The following KIF2C variants were observed in gnomAD, a reference collection of about 807,000 sequenced individuals.
KIF2C encodes the protein kinesin-like protein KIF2C.
KIF2C carries 34 observed loss-of-function variants against 97.4 expected under a neutral mutation model. The observed-to-expected ratio is 0.35, with a 90% CI of 0.27 to 0.46. The LOEUF is 0.46. KIF2C is among the 20% of genes least tolerant of loss of function. The probability of loss-of-function intolerance (pLI) is 1.00; values close to 1 mark genes in which losing one functional copy is unlikely to be tolerated. For missense variants in KIF2C, 750 were observed against 907.6 expected (o/e 0.83, Z 2.23); for synonymous variants, 313 against 318.2 (o/e 0.98, Z 0.17).
In KIF2C at chr1:44,756,364, T is replaced by C. The variant is rs1573567148; in HGVS notation, c.977+127T>C. ...CTCTTCCTCGCTTCTTGTGTTTTCT[T>C]TGGGTCACACCCTTTGGCAGCTTAG... On this transcript the variant is annotated intron_variant, in intron 10 of 20. Transcript: ENST00000372224. 14 of 1,012,112 alleles carry C rather than the reference T, an allele frequency of 1.4e-5. No homozygotes were observed. The East Asian group carries it at 3.3e-4, about 24-fold the overall frequency. The allele number at this position is 1,012,112 out of a possible 1,614,324, so 62.7% of individuals were successfully genotyped here. A position where few individuals can be genotyped will look rare whatever the true frequency, so the allele number is the denominator to read the frequency against.
chr1:44,744,029 A>G (rs1649056997), intron 2 of KIF2C, among the ~76,000 whole-genome samples: 1 of 151,202 alleles, frequency 6.6e-6, no homozygotes. Context: ...TGCTTTTGGA[A>G]TAAGATCCGA....
intron 7 of KIF2C, 73 bp from the exon 8 acceptor site, chr1:44,754,677 C>G: frequency 1.1e-6 from 1 of 882,496 alleles, no homozygotes; most frequent in Non-Finnish European, 1.9e-6. Context: ...AGAGCTGTTG[C>G]TGCTGCCGCA....
Position 44,753,258 on chromosome 1 carries a change from G to A in KIF2C, c.562+4G>A. On this transcript the variant is annotated splice_donor_region_variant and intron_variant, in intron 6 of 20. Transcript: ENST00000372224. ...TCTGCAAACCCTGTGAACTCAGGTAGACACACTGAGCTGTCTGCTGTTCTG... is the reference window on the plus strand; with the variant it reads ...TCTGCAAACCCTGTGAACTCAGGTAAACACACTGAGCTGTCTGCTGTTCTG... The A allele has an allele frequency of 6.2e-7, 1 of 1,611,394 alleles. No homozygotes were observed. The highest frequency in any genetic ancestry group is 1.1e-5 in the South Asian group (1 of 90,892).
At chr1:44,767,057 C>T (rs1650506424) in intron 20 of KIF2C, 40 bp from the exon 21 acceptor site, 2 of 1,608,646 alleles carry the variant, frequency 1.2e-6, no homozygotes, top group South Asian at 1.1e-5. Context: ...GCTCCTCAGA[C>T]TCTCACTAAC....
At chr1:44,766,081 C>T (rs1277988874) in intron 19 of KIF2C, among the ~76,000 whole-genome samples, 3 of 151,658 alleles carry the variant, frequency 2.0e-5, no homozygotes, top group African/African-American at 7.3e-5. Context: ...AATAAATTAG[C>T]TGGCTATGGT....
rs368408481 is a variant in KIF2C at position 44,747,576 on chromosome 1, A to G, written c.268-76A>G. ...CTGATTGATTGTCTGGCATTTTAGC[A>G]TAGTACATGGGCCCAGGATGGGCCC... On this transcript the variant is annotated intron_variant, in intron 3 of 20. Coordinates refer to ENST00000372224, the MANE Select transcript of KIF2C (RefSeq NM_006845.4). The G allele has an allele frequency of 7.1e-5, 112 of 1,569,594 alleles. No individual in the cohort carries two copies. In the African/African-American group the frequency reaches 1.2e-3, roughly 17 times the overall value.
chr1:44,741,937 TG>T (rs1648952967), intron 2 of KIF2C, among the ~76,000 whole-genome samples: 1 of 137,282 alleles, frequency 7.3e-6, no homozygotes, highest in Non-Finnish European at 1.5e-5. Flanking sequence ...CAGGTTTCAG[TG>T]AGCTGAAATT....
rs1285207584 is a variant in KIF2C at position 44,760,569 on chromosome 1, A to C, written c.1573-23A>C. On this transcript the variant is annotated intron_variant, in intron 15 of 20. Transcript: ENST00000372224. This position sits in a 1 kb window ranked among gnomAD's most constrained non-coding sequence, Gnocchi z 4.2. ...TCAGTGCAAGGAAAGAAGGGACCTC[A>C]GTTGTTCCTGCTGCCCCCACAGGAG... 6.2e-7 allele frequency: 1 copy of C among 1,612,982 alleles called. No homozygotes were observed. Among genetic ancestry groups the C allele is most frequent in the Non-Finnish European group, 8.5e-7 (1 of 1,179,344 alleles).
chr1:44,746,857 A>G (rs1240436306), intron 2 of KIF2C: 11 of 1,174,358 alleles, frequency 9.4e-6, no homozygotes, highest in Non-Finnish European at 8.3e-6. Flanking sequence ...ACCCCTGTCT[A>G]TAGAAATTTA....
Position 44,746,422 on chromosome 1 carries a change from GAA to G in KIF2C, c.166-961_166-960del, listed in dbSNP as rs970074005. 1.3e-5 allele frequency: 15 copies of G among 1,138,976 alleles called. No individual in the cohort carries two copies. In the African/African-American group the frequency reaches 2.1e-4, roughly 16 times the overall value. 70.6% of individuals were successfully genotyped at this position (1,138,976 alleles called of 1,614,324 possible). On this transcript the variant is annotated intron_variant, in intron 2 of 20. Coordinates refer to ENST00000372224, the MANE Select transcript of KIF2C (RefSeq NM_006845.4). ...GCATGGGCAGGAAGCCGTAACTGGG[GAA>G]GTTTCTGGGCCCAGAAGAAAATGTA...
intron 1 of KIF2C, among the ~76,000 whole-genome samples, chr1:44,740,295 T>G (rs1648868362): frequency 6.6e-6 from 1 of 152,132 alleles, no homozygotes; most frequent in Non-Finnish European, 1.5e-5. Context: ...CCTTCCAAAA[T>G]TCTCCCCTGA....
At position 44,748,707 on chromosome 1, in the gene KIF2C, AT is replaced by A. The variant is rs928683142; in HGVS notation, c.316+1027del. Among the ~76,000 whole-genome samples, 218 of 123,116 alleles carry A rather than the reference AT, an allele frequency of 1.8e-3. 1 individual carries two copies. The highest frequency in any genetic ancestry group is 0.011 in the East Asian group (45 of 4,234). The allele number at this position is 123,116 out of a possible 152,430, so 80.8% of individuals were successfully genotyped here. ...AGGTGTGCCCCATCACACCTGGCTA[AT>A]TTTTTTTTTTTTTTTTTTTGTAGAG... On this transcript the variant is annotated intron_variant, in intron 4 of 20. Coordinates refer to ENST00000372224, the MANE Select transcript of KIF2C (RefSeq NM_006845.4).
At chr1:44,751,865 AG>A (rs1329574780) in intron 5 of KIF2C, among the ~76,000 whole-genome samples, 65 of 112,088 alleles carry the variant, frequency 5.8e-4, no homozygotes, top group Middle Eastern at 0.01. Context: ...TGTGTCGCCC[AG>A]GCTGGAGTGC....
intron 19 of KIF2C, among the ~76,000 whole-genome samples, chr1:44,764,150 G>T (rs1650316947): frequency 6.6e-6 from 1 of 151,970 alleles, no homozygotes; most frequent in Non-Finnish European, 1.5e-5. Context: ...ATCTTACAAG[G>T]TACCCCCCAA....
At chr1:44,741,898 C>T (rs1648951981) in intron 2 of KIF2C, among the ~76,000 whole-genome samples, 1 of 147,334 alleles carries the variant, frequency 6.8e-6, no homozygotes, top group Non-Finnish European at 1.5e-5. Context: ...GAGGCTGAGG[C>T]TGGAGAATTG....
chr1:44,741,857 G>T (rs926531897), intron 2 of KIF2C, among the ~76,000 whole-genome samples: 4 of 151,952 alleles, frequency 2.6e-5, no homozygotes, highest in African/African-American at 9.7e-5. Context: ...GCCGGGCATG[G>T]TGGTGCATGC....
chr1:44,760,194 G>T lies in KIF2C; in HGVS notation c.1368-86G>T. 7.9e-7 allele frequency: 1 copy of T among 1,261,500 alleles called. No homozygotes were observed. Among genetic ancestry groups the T allele is most frequent in the Non-Finnish European group, 1.1e-6 (1 of 875,930 alleles). The allele number at this position is 1,261,500 out of a possible 1,614,324, so 78.1% of individuals were successfully genotyped here. ...AGGACTTTTTCGCCTCCTAACCTGT[G>T]TCCCTCCCTTCCTAGAGAACTTCTG... On this transcript the variant is annotated intron_variant, in intron 14 of 20. Transcript: ENST00000372224. The surrounding 1 kb of genome is among the most constrained non-coding windows in gnomAD (Gnocchi z 4.2).
intron 5 of KIF2C, among the ~76,000 whole-genome samples, chr1:44,751,883 G>A (rs573731942): frequency 7.5e-6 from 1 of 133,862 alleles, no homozygotes; most frequent in South Asian, 2.4e-4. Context: ...GTGCTGTGGT[G>A]TGATCTCAGC....
At chr1:44,751,952 G>C (rs1212508288) in intron 5 of KIF2C, among the ~76,000 whole-genome samples, 4 of 148,278 alleles carry the variant, frequency 2.7e-5, no homozygotes, top group Non-Finnish European at 5.9e-5. Context: ...CTCCCGAGTA[G>C]CTAGGACTAC....
Sources: gnomAD v4.1 joint callset for allele counts (sites outside exome capture counted in the v4.1 genomes callset) on GRCh38, gnomAD v4.1.1 for gene constraint, Gnocchi (gnomAD v3.1) non-coding constraint, MANE v1.5 for transcripts, NCBI Gene and HGNC (gene_info 2026-07-23, HGNC 2026-07-21) for gene names.